DENND2B: variants seen among roughly 807,000 people sequenced by gnomAD.
The protein encoded by DENND2B is DENN domain-containing protein 2B.
In DENND2B, 32 loss-of-function variants were observed where a neutral mutation model predicts 116.0. That is an observed-to-expected ratio of 0.28 (90% confidence interval 0.21 to 0.37). The LOEUF (loss-of-function observed/expected upper bound fraction) is 0.37, where lower values mean the gene tolerates loss of function less well. Ranked by LOEUF, DENND2B falls within the 10% of genes least tolerant of loss-of-function variation. DENND2B has a pLI of 1.00. For synonymous variants in DENND2B, 588 were observed against 583.9 expected (o/e 1.01, Z -0.10); for missense variants, 1,276 against 1,477.7 (o/e 0.86, Z 2.24).
chr11:8,909,507 C>G (rs2064286961), intron 1 of DENND2B, among the ~76,000 whole-genome samples: 1 of 152,034 alleles, frequency 6.6e-6, no homozygotes, highest in Non-Finnish European at 1.5e-5. Context: ...GAATTCAAAC[C>G]AGCTCTCCCG....
rs371836957 is a variant in DENND2B at position 8,717,901 on chromosome 11, G to A, written c.1478-9C>T. On this transcript the variant is annotated splice_polypyrimidine_tract_variant and intron_variant, in intron 4 of 19. Coordinates refer to ENST00000313726, the MANE Select transcript of DENND2B (RefSeq NM_213618.2). ...CTCCTTGGGCAGATCTCCTGCAGAG[G>A]AGGAAGAGTTAGAGAAGGGGGAGAA... The A allele has an allele frequency of 7.0e-5, 112 of 1,605,208 alleles. No individual in the cohort carries two copies. The highest frequency in any genetic ancestry group is 9.5e-5 in the Non-Finnish European group (112 of 1,174,444).
intron 1 of DENND2B, among the ~76,000 whole-genome samples, chr11:8,793,906 T>C (rs11042067): frequency 0.53 from 80,668 of 152,052 alleles, 21,600 homozygotes; most frequent in South Asian, 0.66. Context: ...AAACTTTTCG[T>C]GTAAAACTAA....
intron 1 of DENND2B, among the ~76,000 whole-genome samples, chr11:8,806,908 C>CTTTTTTT (rs71059181): frequency 1.4e-5 from 2 of 146,492 alleles, no homozygotes; most frequent in Non-Finnish European, 3.0e-5. Context: ...GCCAGATGGT[C>CTTTTTTT]TTTTTTTTTT....
At chr11:8,848,496 C>A (rs1269498938) in intron 3 of DENND2B, among the ~76,000 whole-genome samples, 2 of 152,164 alleles carry the variant, frequency 1.3e-5, no homozygotes, top group African/African-American at 4.8e-5. Context: ...ATTGAGACAA[C>A]TGAGGACATT....
Position 8,750,633 on chromosome 11 carries a change from C to T in DENND2B, c.68G>A (p.Gly23Glu), listed in dbSNP as rs1279119719. 6.2e-7 allele frequency: 1 copy of T among 1,613,978 alleles called. No individual in the cohort carries two copies. The highest frequency in any genetic ancestry group is 1.3e-5 in the African/African-American group (1 of 74,906). ...CTCCCTTACCCACCTGCTCAGAGTC[C>T]CCCGAGGGGCTTTAGTGCCACCAGC... ...HGAGGTKAPR[G>E]TLSRSQSVSP... Residue 23 changes from glycine to glutamate, a missense_variant, in exon 2 of 20, where the codon GGG becomes GAG. This residue lies in a region of DENND2B where 856 missense variants were observed against 846.6 expected (regional missense o/e 1.01). Coordinates refer to ENST00000313726, the MANE Select transcript of DENND2B (RefSeq NM_213618.2).
chr11:8,715,848 G>T, intron 5 of DENND2B, 30 bp from the exon 6 acceptor site: 1 of 1,564,424 alleles, frequency 6.4e-7, no homozygotes. Flanking sequence ...GTGCGAGAGG[G>T]GCTTGCCACA....
At chr11:8,770,718 G>T (rs774103609) in intron 1 of DENND2B, among the ~76,000 whole-genome samples, 3 of 152,016 alleles carry the variant, frequency 2.0e-5, no homozygotes, top group Admixed American at 6.6e-5. Flanking sequence ...TATGAGCAGG[G>T]TCTTGCTCTG....
At chr11:8,762,554 A>C (rs2054863456) in intron 1 of DENND2B, among the ~76,000 whole-genome samples, 1 of 152,160 alleles carries the variant, frequency 6.6e-6, no homozygotes, top group South Asian at 2.1e-4. Flanking sequence ...AACTCAACTA[A>C]AATTGCTCTC....
At chr11:8,816,256 G>A (rs1480612619) in intron 4 of DENND2B, among the ~76,000 whole-genome samples, 1 of 152,096 alleles carries the variant, frequency 6.6e-6, no homozygotes, top group Non-Finnish European at 1.5e-5. Flanking sequence ...CAAATTAATG[G>A]GTGATCAGGT....
intron 17 of DENND2B, 36 bp from the exon 18 acceptor site, chr11:8,696,702 A>C: frequency 1.9e-6 from 3 of 1,606,936 alleles, no homozygotes; most frequent in Non-Finnish European, 8.5e-7. Context: ...GGTTCAGGTC[A>C]AGAGCCTGCA....
intron 1 of DENND2B, among the ~76,000 whole-genome samples, chr11:8,755,609 C>G (rs1279209682): frequency 2.0e-5 from 3 of 152,166 alleles, no homozygotes; most frequent in Non-Finnish European, 4.4e-5. Context: ...GAAACCAACT[C>G]TAAGCCTCAC....
At chr11:8,854,503 A>C (rs113015630) in intron 3 of DENND2B, among the ~76,000 whole-genome samples, 19 of 152,254 alleles carry the variant, frequency 1.2e-4, no homozygotes, top group Non-Finnish European at 2.1e-4. Flanking sequence ...TGCCTGGCCT[A>C]AAAGAACCAA....
intron 3 of DENND2B, among the ~76,000 whole-genome samples, chr11:8,845,886 C>T (rs1273630816): frequency 1.3e-5 from 2 of 152,070 alleles, no homozygotes; most frequent in Non-Finnish European, 1.5e-5. Context: ...TGAAGACAGC[C>T]TAAATGTGCT....
At chr11:8,909,822 C>T (rs1185388333) in intron 1 of DENND2B, 1 of 152,106 alleles carries the variant, frequency 6.6e-6, no homozygotes, top group African/African-American at 2.4e-5. Context: ...TTTTCATGAA[C>T]CACAGAGGAG....
chr11:8,817,201 T>C lies in DENND2B; in HGVS notation c.-114-5866A>G, dbSNP rs543070669. Among the ~76,000 whole-genome samples, 8 of 152,300 alleles carry C rather than the reference T, an allele frequency of 5.3e-5. No individual in the cohort carries two copies. The South Asian group carries it at 1.2e-3, about 24-fold the overall frequency. ...CAAAGTTGCCTTTACAAAGCAGACA[T>C]TGAACAGCTGACAATACCTAAGTTC... On this transcript the variant is annotated intron_variant, in intron 4 of 6. Transcript: ENST00000524757.
At chr11:8,709,768 G>A (rs577008306) in intron 11 of DENND2B, among the ~76,000 whole-genome samples, 1 of 152,120 alleles carries the variant, frequency 6.6e-6, no homozygotes, top group Non-Finnish European at 1.5e-5. Context: ...ATAACCCATG[G>A]GCTATTGTGA....
chr11:8,809,976 A>C (rs2061242322), intron 1 of DENND2B: 1 of 151,844 alleles, frequency 6.6e-6, no homozygotes, highest in South Asian at 2.1e-4. Flanking sequence ...TCCCTGTGAC[A>C]GTCCCTCTGT....
upstream of DENND2B, among the ~76,000 whole-genome samples, chr11:8,813,353 C>A (rs2061459157): frequency 6.6e-6 from 1 of 152,088 alleles, no homozygotes; most frequent in Non-Finnish European, 1.5e-5. Context: ...AATCCCCAAC[C>A]CCACCCAAGC....
chr11:8,815,512 C>T (rs1259965147), upstream of DENND2B, among the ~76,000 whole-genome samples: 1 of 152,146 alleles, frequency 6.6e-6, no homozygotes, highest in African/African-American at 2.4e-5. Context: ...GTTCTTTGAA[C>T]ACTGCCTGCA....
Sources: allele counts gnomAD v4.1 joint callset (sites outside exome capture counted in the v4.1 genomes callset), GRCh38; gene constraint gnomAD v4.1.1; regional missense constraint gnomAD v4.1.1; transcripts MANE v1.5; gene names NCBI Gene and HGNC (gene_info 2026-07-23, HGNC 2026-07-21).